Variants in ATP13A2 observed in about 807,000 individuals in gnomAD.
ATP13A2 encodes ATPase cation transporting 13A2.
A neutral mutation model predicts 138.3 loss-of-function variants in ATP13A2; 83 were observed. That is an observed-to-expected ratio of 0.60 (90% confidence interval 0.50 to 0.72). The LOEUF is 0.72. ATP13A2 is among the 30% of genes least tolerant of loss of function. The pLI, the probability that ATP13A2 is intolerant of heterozygous loss-of-function variation, is 0.00. For synonymous variants in ATP13A2, 663 were observed against 699.0 expected, an observed-to-expected ratio of 0.95 and a Z score of 0.81; for missense variants, 1,402 against 1,606.4, an observed-to-expected ratio of 0.87 and a Z score of 2.17.
In ATP13A2 at chr1:16,992,406, C is replaced by T; in HGVS notation, c.1846-4G>A. On this transcript the variant is annotated splice_region_variant and splice_polypyrimidine_tract_variant and intron_variant, in intron 17 of 28. Transcript: ENST00000326735. ...TGACTGGCACCGGGGGCTCCTCCTGCAGGGTTGGAGAGGCAGCTGAGGTGC... is the reference window on the plus strand; with the variant it reads ...TGACTGGCACCGGGGGCTCCTCCTGTAGGGTTGGAGAGGCAGCTGAGGTGC... The T allele has an allele frequency of 6.2e-7, 1 of 1,613,782 alleles. No individual in the cohort carries two copies. The highest frequency in any genetic ancestry group is 2.2e-5 in the East Asian group (1 of 44,880).
intron 15 of ATP13A2, among the ~76,000 whole-genome samples, chr1:16,994,248 T>A (rs2100833068): frequency 6.6e-6 from 1 of 152,182 alleles, no homozygotes; most frequent in South Asian, 2.1e-4. Context: ...ATTTTTATTT[T>A]TTGAGATGGA....
In ATP13A2 at chr1:17,004,910, T is replaced by C; in HGVS notation, c.348-89A>G. 1.2e-6 allele frequency: 2 copies of C among 1,610,920 alleles called. No individual in the cohort carries two copies. Among genetic ancestry groups the C allele is most frequent in the South Asian group, 1.1e-5 (1 of 90,994 alleles). Reference sequence around the variant, plus strand: ...ACAGAGCCATCTTCCCTCCCTAGGATGGGAGGCGCCAGAGTCAGCCTTTAT... The same window carrying C: ...ACAGAGCCATCTTCCCTCCCTAGGACGGGAGGCGCCAGAGTCAGCCTTTAT... On this transcript the variant is annotated intron_variant, in intron 4 of 28. Coordinates refer to ENST00000326735, the MANE Select transcript of ATP13A2 (RefSeq NM_022089.4). This position sits in a 1 kb window ranked among gnomAD's most constrained non-coding sequence, Gnocchi z 4.1.
In ATP13A2 at chr1:16,992,032, C is replaced by A. The variant is rs1468487580; in HGVS notation, c.2103G>T (p.Leu701=). The change falls in exon 19 of 29, where the codon CTG becomes CTT. Residue 701 remains leucine, a synonymous_variant. Transcript: ENST00000326735. ...ASKPLPTVPS[L]EAAQQLTRDT... ...ACCTCGTCAGTTGCTGGGCTGCCTC[C>A]AGGCTGGGCACAGTGGGCAGTGGCT... 1 of 1,613,008 alleles carries A rather than the reference C, an allele frequency of 6.2e-7. No individual in the cohort carries two copies. The highest frequency in any genetic ancestry group is 8.5e-7 in the Non-Finnish European group (1 of 1,179,542).
chr1:17,007,870 C>T (rs1052948785), intron 1 of ATP13A2, among the ~76,000 whole-genome samples: 3 of 150,042 alleles, frequency 2.0e-5, no homozygotes, highest in African/African-American at 7.4e-5. Context: ...AAAATTTCTA[C>T]CCAAAGAGTC....
At position 16,988,250 on chromosome 1, in the gene ATP13A2, C is replaced by G; in HGVS notation, c.2763-16G>C. 6.2e-7 allele frequency: 1 copy of G among 1,614,136 alleles called. No homozygotes were observed. The highest frequency in any genetic ancestry group is 8.5e-7 in the Non-Finnish European group (1 of 1,179,996). On this transcript the variant is annotated splice_polypyrimidine_tract_variant and intron_variant, in intron 24 of 28. Transcript: ENST00000326735. ...GCGCCCCTCCCTGGGTGGCAGGGCA[C>G]GGACATTAGGGGACCCAGGTTGGCT... is the stretch of plus-strand genomic sequence containing the variant.
chr1:17,002,492 G>A (rs569019584), intron 6 of ATP13A2, 119 bp from the exon 7 acceptor site: 2 of 1,210,972 alleles, frequency 1.7e-6, no homozygotes, highest in South Asian at 1.4e-5. Flanking sequence ...GCCACACTGA[G>A]CTCCTGGGAG....
chr1:16,994,892 G>C (rs1362950480), intron 15 of ATP13A2, among the ~76,000 whole-genome samples: 1 of 151,816 alleles, frequency 6.6e-6, no homozygotes, highest in Admixed American at 6.6e-5. Context: ...TTGAACTCCT[G>C]ACCTCATGAT....
At position 17,005,764 on chromosome 1, in the gene ATP13A2, C is replaced by G; in HGVS notation, c.25G>C (p.Val9Leu). Residue 9 changes from valine (V) to leucine (L), a missense_variant, in exon 2 of 29, where the codon GTG becomes CTG. By Grantham distance (32) the Val-to-Leu change is conservative (BLOSUM62 1). Coordinates refer to ENST00000326735, the MANE Select transcript of ATP13A2 (RefSeq NM_022089.4). MSADSSPLVGSTPTGYGTL... is the reference protein window; with the variant it reads MSADSSPLLGSTPTGYGTL... The stretch of plus-strand genomic sequence containing the variant: ...CCATAACCGGTGGGCGTGCTGCCCA[C>G]GAGAGGGCTGCTGTCTGTGGACAGA... 1.9e-6 allele frequency: 3 copies of G among 1,611,508 alleles called. No homozygotes were observed. Among genetic ancestry groups the G allele is most frequent in the Non-Finnish European group, 1.7e-6 (2 of 1,178,880 alleles).
rs2076764232 is a variant in ATP13A2, at chr1:16,987,140, G to A, written c.2989C>T (p.Leu997Phe). Residue 997 changes from leucine (L) to phenylalanine (F), a missense_variant, in exon 26 of 29, where the codon CTC becomes TTC. Coordinates refer to ENST00000326735, the MANE Select transcript of ATP13A2 (RefSeq NM_022089.4). ...LGRVRPPGAL[L>F]SVPVLSSLLL... ...AGGCTGCTGAGCACGGGCACGCTGAGCAGCGCCCCCGGTGGCCGCACCCGT... is the reference window on the plus strand; with the variant it reads ...AGGCTGCTGAGCACGGGCACGCTGAACAGCGCCCCCGGTGGCCGCACCCGT... The A allele has an allele frequency of 1.2e-6, 2 of 1,613,054 alleles. No individual in the cohort carries two copies. Among genetic ancestry groups the A allele is most frequent in the East Asian group, 4.5e-5 (2 of 44,868 alleles).
At chr1:16,996,233 C>G in intron 14 of ATP13A2, 21 bp downstream of exon 14, 2 of 1,614,110 alleles carry the variant, frequency 1.2e-6, no homozygotes, top group Non-Finnish European at 1.7e-6. Context: ...CAGCACCCCC[C>G]ACCCCACCCC....
rs934595901 is a variant in ATP13A2, at chr1:17,011,360, T to A, written c.10+369A>T. ...CGAGGATGCAGCCGTCTCCCCCACC[T>A]GGACATCCGTCACTCGGGGTGGGAT... On this transcript the variant is annotated intron_variant, in intron 1 of 28. Transcript: ENST00000326735. The surrounding 1 kb of genome is among the most constrained non-coding windows in gnomAD (Gnocchi z 7.3). Among the ~76,000 whole-genome samples the A allele has an allele frequency of 3.3e-5, 5 of 152,228 alleles. No homozygotes were observed. In the South Asian group the frequency reaches 8.3e-4, roughly 25 times the overall value.
At position 16,997,096 on chromosome 1, in the gene ATP13A2, T is replaced by C. The variant is rs754155691; in HGVS notation, c.1119A>G (p.Thr373=). 1.9e-6 allele frequency: 3 copies of C among 1,613,184 alleles called. No individual in the cohort carries two copies. Among genetic ancestry groups the C allele is most frequent in the South Asian group, 2.2e-5 (2 of 91,048 alleles). Residue 373 remains threonine, a synonymous_variant, in exon 12 of 29, where the codon ACA becomes ACG. Coordinates refer to ENST00000326735, the MANE Select transcript of ATP13A2 (RefSeq NM_022089.4). ...GCAAGATGAGGGTCCCGCAGAAGAG[T>C]GTGTGCCGCCGGTGTGTCTCTGCAC... is the stretch of plus-strand genomic sequence containing the variant. ...PYCAETHRRH[T]LFCGTLILQA...
intron 1 of ATP13A2, among the ~76,000 whole-genome samples, chr1:17,010,366 C>A (rs1227002851): frequency 2.6e-5 from 4 of 151,900 alleles, no homozygotes; most frequent in Admixed American, 1.3e-4. Context: ...GCGTGAGCCA[C>A]CACGCCTGGC....
rs1218741489 is a variant in ATP13A2, at chr1:16,986,444, G to A, written c.3405+19C>T. 7.4e-6 allele frequency: 12 copies of A among 1,610,814 alleles called. No individual in the cohort carries two copies. Among genetic ancestry groups the A allele is most frequent in the African/African-American group, 1.3e-5 (1 of 74,888 alleles). On this transcript the variant is annotated intron_variant, in intron 28 of 28. Coordinates refer to ENST00000326735, the MANE Select transcript of ATP13A2 (RefSeq NM_022089.4). This position sits in a 1 kb window ranked among gnomAD's most constrained non-coding sequence, Gnocchi z 6.9. ...CACCTCCCTTCTCTCCCGCTGCTGAGACCCAGGGCGGGCCCCACCTCCAGC... is the reference window on the plus strand; with the variant it reads ...CACCTCCCTTCTCTCCCGCTGCTGAAACCCAGGGCGGGCCCCACCTCCAGC...
rs201038868 is a variant in ATP13A2, at chr1:16,991,851, C to G, written c.2134G>C (p.Val712Leu). 3.7e-6 allele frequency: 6 copies of G among 1,614,138 alleles called. No homozygotes were observed. The African/African-American group carries it at 5.3e-5, about 14-fold the overall frequency. Reference protein sequence around the residue: ...EAAQQLTRDTVEGDLSLLGLL... With the variant: ...EAAQQLTRDTLEGDLSLLGLL... ...CCCAGGAGGCTCAGGTCTCCTTCCA[C>G]AGTGTCCCTGGAGGGTGGGCAGACC... Residue 712 changes from valine (V) to leucine (L), a missense_variant, in exon 20 of 29, where the codon GTG (valine) becomes CTG (leucine). By Grantham distance (32) the Val-to-Leu change is conservative (BLOSUM62 1). Coordinates refer to ENST00000326735, the MANE Select transcript of ATP13A2 (RefSeq NM_022089.4).
At position 17,011,383 on chromosome 1, in the gene ATP13A2, G is replaced by A. The variant is rs376017992; in HGVS notation, c.10+346C>T. ...CCTGGACATCCGTCACTCGGGGTGG[G>A]ATCCGATTAAGTGGGCGTGGGGTGG... On this transcript the variant is annotated intron_variant, in intron 1 of 28. Transcript: ENST00000326735. The surrounding 1 kb of genome is among the most constrained non-coding windows in gnomAD (Gnocchi z 7.3). Among the ~76,000 whole-genome samples the A allele has an allele frequency of 6.6e-6, 1 of 152,190 alleles. No homozygotes were observed. Among genetic ancestry groups the A allele is most frequent in the Non-Finnish European group, 1.5e-5 (1 of 68,032 alleles).
chr1:16,991,830 G>T lies in ATP13A2; in HGVS notation c.2155C>A (p.Leu719Met). 1 of 1,614,152 alleles carries T rather than the reference G, an allele frequency of 6.2e-7. No homozygotes were observed. The highest frequency in any genetic ancestry group is 8.5e-7 in the Non-Finnish European group (1 of 1,180,042). The change falls in exon 20 of 29, where the codon CTG (leucine) becomes ATG (methionine). Residue 719 changes from leucine (L) to methionine (M), a missense_variant. Coordinates refer to ENST00000326735, the MANE Select transcript of ATP13A2 (RefSeq NM_022089.4). ...AGGTTCCTCATGACCAGCAGCCCCA[G>T]GAGGCTCAGGTCTCCTTCCACAGTG... is the stretch of plus-strand genomic sequence containing the variant. ...RDTVEGDLSL[L>M]GLLVMRNLLK...
intron 8 of ATP13A2, 84 bp from the exon 9 acceptor site, chr1:17,000,618 G>A: frequency 6.5e-7 from 1 of 1,535,080 alleles, no homozygotes; most frequent in South Asian, 1.2e-5. Context: ...GCCCATGGGA[G>A]CAGAGGGCCC....
intron 11 of ATP13A2, among the ~76,000 whole-genome samples, chr1:16,997,885 G>A (rs1197531722): frequency 1.2e-4 from 17 of 141,738 alleles, no homozygotes; most frequent in Non-Finnish European, 2.3e-4. Flanking sequence ...AAGGGGAGGG[G>A]GAAGGAGGAG....
Sources: gnomAD v4.1 joint callset for allele counts (sites outside exome capture counted in the v4.1 genomes callset) on GRCh38, gnomAD v4.1.1 for gene constraint, Gnocchi (gnomAD v3.1) non-coding constraint, MANE v1.5 for transcripts, NCBI Gene and HGNC (gene_info 2026-07-23, HGNC 2026-07-21) for gene names.